Variants in KCNMA1 observed in about 807,000 individuals in gnomAD.
KCNMA1 encodes the protein potassium calcium-activated channel subfamily M alpha 1.
KCNMA1 carries 29 observed loss-of-function variants against 140.0 expected under a neutral mutation model. The observed-to-expected ratio is 0.21, with a 90% confidence interval of 0.15 to 0.28. KCNMA1 has a LOEUF of 0.28. Among genes scored for constraint, KCNMA1 ranks in the 10% least tolerant of loss-of-function variants. KCNMA1 has a pLI of 1.00. For missense variants in KCNMA1, 880 were observed against 1,602.2 expected (o/e 0.55, Z 7.70); for synonymous variants, 612 against 611.9 (o/e 1.00, Z 0.00).
At chr10:77,324,405 A>C (rs562086210) in intron 2 of KCNMA1, among the ~76,000 whole-genome samples, 1 of 152,358 alleles carries the variant, frequency 6.6e-6, no homozygotes, top group African/African-American at 2.4e-5. Flanking sequence ...AGCCTGGTAC[A>C]TTATAAACAT....
intron 2 of KCNMA1, among the ~76,000 whole-genome samples, chr10:77,385,393 G>C (rs1427388755): frequency 1.3e-5 from 2 of 152,190 alleles, no homozygotes; most frequent in Non-Finnish European, 2.9e-5. Context: ...CACTTAGTCT[G>C]CCCCAGCTAC....
At chr10:77,193,476 C>T (rs542473719) in intron 3 of KCNMA1, among the ~76,000 whole-genome samples, 4 of 152,046 alleles carry the variant, frequency 2.6e-5, no homozygotes, top group African/African-American at 7.2e-5. Context: ...CTAGCCATCC[C>T]TTTTTTTTAG....
intron 15 of KCNMA1, among the ~76,000 whole-genome samples, chr10:77,035,841 A>G (rs887116501): frequency 5.3e-5 from 8 of 152,226 alleles, no homozygotes; most frequent in African/African-American, 1.4e-4. Context: ...CAGATAAGTC[A>G]TAGCACTCCT....
chr10:77,053,300 C>T (rs1205574089), intron 14 of KCNMA1, among the ~76,000 whole-genome samples: 1 of 152,210 alleles, frequency 6.6e-6, no homozygotes, highest in Admixed American at 6.5e-5. Flanking sequence ...GGCAAAGCTG[C>T]ACTTGCTGGA....
intron 1 of KCNMA1, among the ~76,000 whole-genome samples, chr10:77,594,200 T>C (rs1445349310): frequency 3.3e-5 from 5 of 152,182 alleles, no homozygotes; most frequent in Admixed American, 3.3e-4. Flanking sequence ...TTACAGCCGT[T>C]CTGTCCCTGC....
intron 1 of KCNMA1, among the ~76,000 whole-genome samples, chr10:77,606,327 A>G (rs1031745895): frequency 6.6e-6 from 1 of 152,126 alleles, no homozygotes; most frequent in Non-Finnish European, 1.5e-5. Context: ...GCAACCCCTC[A>G]TGGCCCTCAA....
chr10:77,582,378 T>C (rs1436278800), intron 1 of KCNMA1, among the ~76,000 whole-genome samples: 2 of 152,238 alleles, frequency 1.3e-5, no homozygotes, highest in African/African-American at 4.8e-5. Flanking sequence ...AGGAGCTTAA[T>C]AATTGCTAGT....
chr10:77,025,998 A>AAAAAATATAT (rs370771543), intron 16 of KCNMA1, among the ~76,000 whole-genome samples: 2 of 139,906 alleles, frequency 1.4e-5, no homozygotes, highest in African/African-American at 5.2e-5. Context: ...AGAAAAAAAA[A>AAAAAATATAT]ATATATATAT....
chr10:77,440,691 C>G (rs188577470), intron 1 of KCNMA1, among the ~76,000 whole-genome samples: 1 of 152,220 alleles, frequency 6.6e-6, no homozygotes, highest in Non-Finnish European at 1.5e-5. Context: ...ACCCCTCTAC[C>G]GTGAGCTCAT....
chr10:77,128,329 T>C (rs985747808), intron 5 of KCNMA1, among the ~76,000 whole-genome samples: 3 of 152,000 alleles, frequency 2.0e-5, no homozygotes, highest in Non-Finnish European at 2.9e-5. Context: ...TTCTAAAATA[T>C]ATCAATCTTT....
intron 1 of KCNMA1, among the ~76,000 whole-genome samples, chr10:77,629,473 A>C (rs1174928950): frequency 6.6e-6 from 1 of 152,176 alleles, no homozygotes; most frequent in Non-Finnish European, 1.5e-5. Context: ...AATTACCCAA[A>C]AAAGCAGGAA....
At chr10:77,483,660 C>T (rs962045479) in intron 1 of KCNMA1, among the ~76,000 whole-genome samples, 1 of 152,168 alleles carries the variant, frequency 6.6e-6, no homozygotes, top group Non-Finnish European at 1.5e-5. Context: ...TGTATGGCCA[C>T]GGGACACTGG....
At chr10:77,098,155 T>C (rs2096985529) in intron 9 of KCNMA1, among the ~76,000 whole-genome samples, 1 of 152,194 alleles carries the variant, frequency 6.6e-6, no homozygotes, top group Non-Finnish European at 1.5e-5. Context: ...CACACATATT[T>C]TGTAGCTTGT....
chr10:77,042,250 A>C (rs2094760404), intron 14 of KCNMA1, among the ~76,000 whole-genome samples: 1 of 152,190 alleles, frequency 6.6e-6, no homozygotes. Context: ...GTGTTTAGCT[A>C]AGCCTGAACT....
Position 77,574,960 on chromosome 10 carries a change from G to A in KCNMA1, c.378+62305C>T, listed in dbSNP as rs576719286. Among the ~76,000 whole-genome samples, 6 of 152,290 alleles carry A rather than the reference G, an allele frequency of 3.9e-5. 1 individual carries two copies. The highest frequency in any genetic ancestry group is 1.9e-4 in the East Asian group (1 of 5,180). On this transcript the variant is annotated intron_variant, in intron 1 of 27. Coordinates refer to ENST00000286628, the MANE Select transcript of KCNMA1 (RefSeq NM_001161352.2). ...GCCCCAGGGCCTGACCACTGCAGGG[G>A]CTGGGACCACAGATCGTACCACCAC... is the stretch of plus-strand genomic sequence containing the variant.
intron 2 of KCNMA1, among the ~76,000 whole-genome samples, chr10:77,294,118 A>C (rs1354382854): frequency 6.6e-6 from 1 of 152,254 alleles, no homozygotes; most frequent in Admixed American, 6.5e-5. Context: ...AAAAGAAATC[A>C]GAGGTTTTCA....
chr10:77,107,602 C>T (rs1343264076), intron 9 of KCNMA1, among the ~76,000 whole-genome samples: 2 of 152,310 alleles, frequency 1.3e-5, no homozygotes, highest in East Asian at 3.9e-4. Context: ...TGAACCTGCA[C>T]ATTGATATCG....
chr10:76,952,284 G>A, intron 21 of KCNMA1: 1 of 1,052,176 alleles, frequency 9.5e-7, no homozygotes. Context: ...ACTTTGGGAG[G>A]CCAAGGTTGG....
chr10:76,950,735 A>G (rs1211756846), intron 21 of KCNMA1, among the ~76,000 whole-genome samples: 1 of 152,248 alleles, frequency 6.6e-6, no homozygotes, highest in Non-Finnish European at 1.5e-5. Context: ...CAGGGTTATT[A>G]CAGTAACCCC....
Sources: gnomAD v4.1 joint callset for allele counts (sites outside exome capture counted in the v4.1 genomes callset) on GRCh38, gnomAD v4.1.1 for gene constraint, MANE v1.5 for transcripts, NCBI Gene and HGNC (gene_info 2026-07-23, HGNC 2026-07-21) for gene names.